The following AGBL4 variants were observed in gnomAD, a reference collection of about 807,000 sequenced individuals.
The protein encoded by AGBL4 is cytosolic carboxypeptidase 6.
In AGBL4, 58 loss-of-function variants were observed where a neutral mutation model predicts 66.4. The observed-to-expected ratio is 0.87, with a 90% CI of 0.71 to 1.09. AGBL4 has a LOEUF of 1.09. Among genes scored for constraint, AGBL4 ranks in the 50% least tolerant of loss-of-function variants. The pLI, the probability that AGBL4 is intolerant of heterozygous loss-of-function variation, is 0.00. For missense variants in AGBL4, 579 were observed against 631.0 expected (o/e 0.92, Z 0.88); for synonymous variants, 234 against 222.9 (o/e 1.05, Z -0.44).
intron 1 of AGBL4, among the ~76,000 whole-genome samples, chr1:49,941,928 T>C (rs1013638820): frequency 6.6e-6 from 1 of 152,030 alleles, no homozygotes; most frequent in Non-Finnish European, 1.5e-5. Context: ...CAAAATGGAA[T>C]GTAAGTAAAA....
chr1:49,384,492 C>T (rs1269276571), intron 3 of AGBL4, among the ~76,000 whole-genome samples: 2 of 151,828 alleles, frequency 1.3e-5, no homozygotes, highest in Admixed American at 1.3e-4. Context: ...ACTTGGGAGG[C>T]TGAGGCAGGA....
chr1:48,801,610 T>G (rs1645809992), intron 6 of AGBL4, among the ~76,000 whole-genome samples: 1 of 152,182 alleles, frequency 6.6e-6, no homozygotes, highest in Non-Finnish European at 1.5e-5. Context: ...GGTTAAATCC[T>G]TCTTCTGTGT....
chr1:49,383,949 A>G (rs2148580097), intron 3 of AGBL4, among the ~76,000 whole-genome samples: 1 of 152,012 alleles, frequency 6.6e-6, no homozygotes, highest in East Asian at 2.0e-4. Context: ...GCTGTGTACC[A>G]CTACGCCCAG....
At chr1:49,774,047 C>T (rs573165882) in intron 2 of AGBL4, among the ~76,000 whole-genome samples, 133 of 152,296 alleles carry the variant, frequency 8.7e-4, no homozygotes, top group African/African-American at 3.1e-3. Context: ...GGACACACTC[C>T]AGATGTAGGT....
At chr1:49,268,449 C>CACAT in intron 3 of AGBL4, among the ~76,000 whole-genome samples, 1 of 142,654 alleles carries the variant, frequency 7.0e-6, no homozygotes, top group South Asian at 2.2e-4. Flanking sequence ...CACACACACA[C>CACAT]AAATACAAGA....
chr1:49,606,353 G>A (rs185342314), intron 3 of AGBL4, among the ~76,000 whole-genome samples: 14 of 152,220 alleles, frequency 9.2e-5, no homozygotes, highest in East Asian at 5.8e-4. Flanking sequence ...CTGAGCAATC[G>A]AAAGCACTTT....
At chr1:48,857,517 C>A (rs1036875373) in intron 6 of AGBL4, among the ~76,000 whole-genome samples, 12 of 151,988 alleles carry the variant, frequency 7.9e-5, no homozygotes, top group Non-Finnish European at 1.5e-4. Flanking sequence ...GTCAGGAGAT[C>A]GAGAACATCC....
At chr1:49,487,521 G>A (rs1647093996) in intron 3 of AGBL4, among the ~76,000 whole-genome samples, 1 of 151,806 alleles carries the variant, frequency 6.6e-6, no homozygotes, top group African/African-American at 2.4e-5. Flanking sequence ...GAGATTTGGT[G>A]GTTTTATATG....
At chr1:48,647,121 C>T (rs935065562) in intron 8 of AGBL4, among the ~76,000 whole-genome samples, 6 of 152,158 alleles carry the variant, frequency 3.9e-5, no homozygotes, top group African/African-American at 1.4e-4. Flanking sequence ...TAAGGATTGC[C>T]AAGGCCAAGA....
Position 48,736,513 on chromosome 1 carries a change from T to C in AGBL4, c.635-73272A>G. The C allele has an allele frequency of 7.0e-7, 1 of 1,420,402 alleles. No homozygotes were observed. Among genetic ancestry groups the C allele is most frequent in the Non-Finnish European group, 9.8e-7 (1 of 1,015,876 alleles). The allele number at this position is 1,420,402 out of a possible 1,614,324, so 88.0% of individuals were successfully genotyped here. ...CGACAGGAGGGCAGTGGGAGGCTTCTCTTGTCCTTTAAAAAGCATTGCTGC... is the reference window on the plus strand; with the variant it reads ...CGACAGGAGGGCAGTGGGAGGCTTCCCTTGTCCTTTAAAAAGCATTGCTGC... On this transcript the variant is annotated intron_variant, in intron 6 of 13. Transcript: ENST00000371839. The surrounding 1 kb of genome is among the most constrained non-coding windows in gnomAD (Gnocchi z 4.0).
At chr1:49,235,233 A>G (rs1186813249) in intron 4 of AGBL4, among the ~76,000 whole-genome samples, 2 of 152,174 alleles carry the variant, frequency 1.3e-5, no homozygotes, top group African/African-American at 4.8e-5. Flanking sequence ...CACAAATACT[A>G]GGTTTTCTCA....
chr1:49,968,763 G>A (rs1657791446), intron 1 of AGBL4, among the ~76,000 whole-genome samples: 1 of 152,202 alleles, frequency 6.6e-6, no homozygotes, highest in Non-Finnish European at 1.5e-5. Context: ...TTTGGAACAT[G>A]AAAGGGATGG....
chr1:49,841,799 T>C (rs1464244117), intron 2 of AGBL4: 2 of 267,000 alleles, frequency 7.5e-6, no homozygotes, highest in Non-Finnish European at 7.1e-6. Flanking sequence ...GACAATGTGA[T>C]AAAAAAAAAA....
At chr1:48,743,589 G>C (rs1271282260) in intron 6 of AGBL4, among the ~76,000 whole-genome samples, 1 of 152,178 alleles carries the variant, frequency 6.6e-6, no homozygotes, top group Non-Finnish European at 1.5e-5. Flanking sequence ...TAACATGCTG[G>C]AAATTCTCCC....
chr1:48,668,914 G>A (rs1646232624), intron 6 of AGBL4, among the ~76,000 whole-genome samples: 1 of 152,202 alleles, frequency 6.6e-6, no homozygotes. Context: ...AGGCAGCGGA[G>A]AAGCACTAAA....
chr1:49,445,351 G>GA (rs2148674186), intron 3 of AGBL4, among the ~76,000 whole-genome samples: 1 of 152,026 alleles, frequency 6.6e-6, no homozygotes, highest in African/African-American at 2.4e-5. Flanking sequence ...TCTGCCTGGG[G>GA]ATCCCTAAAT....
At chr1:49,468,960 A>G (rs1054023535) in intron 3 of AGBL4, among the ~76,000 whole-genome samples, 2 of 151,814 alleles carry the variant, frequency 1.3e-5, no homozygotes, top group East Asian at 3.9e-4. Flanking sequence ...GTGGTGACCC[A>G]TTGTAGTTTT....
At chr1:49,011,200 C>G (rs964457885) in intron 5 of AGBL4, among the ~76,000 whole-genome samples, 10 of 151,914 alleles carry the variant, frequency 6.6e-5, no homozygotes, top group Admixed American at 1.3e-4. Flanking sequence ...AACAAACAAC[C>G]CCATCAAAAA....
intron 3 of AGBL4, among the ~76,000 whole-genome samples, chr1:49,655,547 T>C (rs1292574178): frequency 6.6e-6 from 1 of 152,116 alleles, no homozygotes; most frequent in Admixed American, 6.6e-5. Context: ...GGGACACACT[T>C]AAAGCAGTGT....
Sources: allele counts gnomAD v4.1 joint callset (sites outside exome capture counted in the v4.1 genomes callset), GRCh38; gene constraint gnomAD v4.1.1; non-coding constraint Gnocchi (gnomAD v3.1); transcripts MANE v1.5; gene names NCBI Gene and HGNC (gene_info 2026-07-23, HGNC 2026-07-21).